Variants in SHLD1 observed in about 807,000 individuals in gnomAD.
SHLD1 encodes the protein shieldin complex subunit 1, also known as RINN1-REV7-interacting novel NHEJ regulator 3.
A neutral mutation model predicts 5.5 loss-of-function variants in SHLD1; 3 were observed. The observed-to-expected ratio is 0.54, with a 90% CI of 0.25 to 1.40. The LOEUF (loss-of-function observed/expected upper bound fraction) is 1.40, where lower values mean the gene tolerates loss of function less well. Among genes scored for constraint, SHLD1 ranks in the 40% most tolerant of loss-of-function variants. The probability of loss-of-function intolerance (pLI) is 0.15; values close to 1 mark genes in which losing one functional copy is unlikely to be tolerated. For synonymous variants in SHLD1, 92 were observed against 94.3 expected, an observed-to-expected ratio of 0.98 and a Z score of 0.14; for missense variants, 210 against 244.4, an observed-to-expected ratio of 0.86 and a Z score of 0.94.
At chr20:5,839,419 T>G (rs1415058859) in intron 2 of SHLD1, among the ~76,000 whole-genome samples, 1 of 152,176 alleles carries the variant, frequency 6.6e-6, no homozygotes, top group African/African-American at 2.4e-5. Flanking sequence ...GTTTTTATTC[T>G]TATATCTGGG....
At chr20:5,756,362 C>T (rs77080044) in intron 1 of SHLD1, among the ~76,000 whole-genome samples, 6,476 of 152,104 alleles carry the variant, frequency 0.043, 379 homozygotes, top group African/African-American at 0.13. Flanking sequence ...ATTTGGGGGA[C>T]ATTGCCATCT....
chr20:5,810,182 G>T (rs533936473), intron 2 of SHLD1, among the ~76,000 whole-genome samples: 31 of 151,778 alleles, frequency 2.0e-4, no homozygotes, highest in Non-Finnish European at 3.2e-4. Flanking sequence ...GCTTGAACCC[G>T]GGTGGTGGAG....
intron 2 of SHLD1, among the ~76,000 whole-genome samples, chr20:5,776,434 C>T (rs1333448584): frequency 6.6e-6 from 1 of 152,098 alleles, no homozygotes; most frequent in Non-Finnish European, 1.5e-5. Context: ...CTTATAAGGG[C>T]ACTAATGCCA....
chr20:5,819,983 G>A (rs146048084), intron 2 of SHLD1, among the ~76,000 whole-genome samples: 5 of 151,994 alleles, frequency 3.3e-5, no homozygotes, highest in Non-Finnish European at 5.9e-5. Flanking sequence ...TTGCTCTGTC[G>A]CCCAGACAGG....
rs1361404565 is a variant in SHLD1, at chr20:5,845,861, G to A, written c.179-17163G>A. Reference sequence around the variant, plus strand: ...TAAGGGGCTCCAACAGGTTCTCAGCGATGTCATTTTACAAATAAGAGCTCG... The same window carrying A: ...TAAGGGGCTCCAACAGGTTCTCAGCAATGTCATTTTACAAATAAGAGCTCG... On this transcript the variant is annotated intron_variant, in intron 2 of 2. Transcript: ENST00000303142. Among the ~76,000 whole-genome samples the A allele has an allele frequency of 3.9e-5, 6 of 152,304 alleles. 1 individual carries two copies. In the East Asian group the frequency reaches 9.6e-4, roughly 24 times the overall value.
chr20:5,830,266 G>C (rs567029362), intron 2 of SHLD1, among the ~76,000 whole-genome samples: 2 of 152,104 alleles, frequency 1.3e-5, no homozygotes, highest in African/African-American at 2.4e-5. Flanking sequence ...TTCACATCAC[G>C]GAATACTATT....
intron 2 of SHLD1, among the ~76,000 whole-genome samples, chr20:5,789,841 A>G (rs6038282): frequency 0.29 from 44,436 of 151,830 alleles, 6,473 homozygotes; most frequent in Middle Eastern, 0.35. Context: ...ACCCAGACCC[A>G]GTGCATCCTA....
chr20:5,825,960 G>T (rs1600158743), intron 2 of SHLD1, among the ~76,000 whole-genome samples: 2 of 152,180 alleles, frequency 1.3e-5, no homozygotes, highest in South Asian at 4.1e-4. Context: ...GACCACTCAG[G>T]GTTGGGATGT....
Position 5,863,382 on chromosome 20 carries a change from G to A in SHLD1, c.537G>A (p.Leu179=). 2.5e-6 allele frequency: 4 copies of A among 1,614,162 alleles called. No homozygotes were observed. The highest frequency in any genetic ancestry group is 3.4e-6 in the Non-Finnish European group (4 of 1,180,022). The change falls in exon 3 of 3, where the codon TTG becomes TTA. Residue 179 remains leucine, a synonymous_variant. Coordinates refer to ENST00000303142, the MANE Select transcript of SHLD1 (RefSeq NM_152504.4). ...CACTGGAGGAAGGAAGTACATCTTT[G>A]GATGATGAAAAGCCAAACCCAGGAC... The part of the protein sequence containing the change: ...FYPLEEGSTS[L]DDEKPNPGLS...
At chr20:5,833,326 G>C (rs1270465052) in intron 2 of SHLD1, among the ~76,000 whole-genome samples, 1 of 152,040 alleles carries the variant, frequency 6.6e-6, no homozygotes, top group African/African-American at 2.4e-5. Context: ...TCACAACTCG[G>C]GTTTGGTGTA....
At chr20:5,842,565 C>T (rs1225001891) in intron 2 of SHLD1, among the ~76,000 whole-genome samples, 1 of 152,196 alleles carries the variant, frequency 6.6e-6, no homozygotes, top group Non-Finnish European at 1.5e-5. Flanking sequence ...CACCCATTAA[C>T]TCGTTGTCTC....
At position 5,770,508 on chromosome 20, in the gene SHLD1, T is replaced by C. The variant is rs192067747; in HGVS notation, c.-4-2354T>C. 1.2e-4 allele frequency among the ~76,000 whole-genome samples: 18 copies of C among 152,302 alleles called. No individual in the cohort carries two copies. The East Asian group carries it at 3.3e-3, about 28-fold the overall frequency. On this transcript the variant is annotated intron_variant, in intron 1 of 2. Coordinates refer to ENST00000303142, the MANE Select transcript of SHLD1 (RefSeq NM_152504.4). ...GTATGTCCTTCTATTTCATCAAGCA[T>C]ATCAGCAAATCCTTCTCCATCAACT...
At chr20:5,828,651 G>C (rs1176598626) in intron 2 of SHLD1, among the ~76,000 whole-genome samples, 1 of 152,106 alleles carries the variant, frequency 6.6e-6, no homozygotes, top group Non-Finnish European at 1.5e-5. Context: ...CAATTCTTTT[G>C]CTTCGCATTT....
At chr20:5,775,257 A>T (rs1332817061) in intron 2 of SHLD1, among the ~76,000 whole-genome samples, 1 of 151,870 alleles carries the variant, frequency 6.6e-6, no homozygotes, top group African/African-American at 2.4e-5. Flanking sequence ...TGCCCAGGCA[A>T]GTCTCGAACT....
At chr20:5,828,830 A>G (rs575069486) in intron 2 of SHLD1, among the ~76,000 whole-genome samples, 17 of 152,320 alleles carry the variant, frequency 1.1e-4, no homozygotes, top group African/African-American at 4.1e-4. Context: ...GTCATTTTAT[A>G]TCATTTCACT....
chr20:5,816,991 C>T (rs573113207), intron 2 of SHLD1, among the ~76,000 whole-genome samples: 4 of 152,308 alleles, frequency 2.6e-5, no homozygotes, highest in African/African-American at 9.6e-5. Flanking sequence ...ATCACTTGAG[C>T]TCAGGTGATG....
chr20:5,792,671 CT>C (rs560022381), intron 2 of SHLD1, among the ~76,000 whole-genome samples: 4 of 124,844 alleles, frequency 3.2e-5, no homozygotes, highest in African/African-American at 1.3e-4. Flanking sequence ...CTGCCGTTTT[CT>C]TTTTTTTAAA....
chr20:5,837,663 G>A (rs1406590411), intron 2 of SHLD1, among the ~76,000 whole-genome samples: 5 of 152,184 alleles, frequency 3.3e-5, no homozygotes, highest in Non-Finnish European at 7.3e-5. Context: ...TTTTATGGCT[G>A]CACTGACTCC....
Position 5,806,440 on chromosome 20 carries a change from G to A in SHLD1, c.178+33397G>A, listed in dbSNP as rs772606665. 1.3e-5 allele frequency among the ~76,000 whole-genome samples: 2 copies of A among 152,156 alleles called. No individual in the cohort carries two copies. Among genetic ancestry groups the A allele is most frequent in the African/African-American group, 2.4e-5 (1 of 41,438 alleles). ...GTTTTGAAGCACTGATCATTTTCCT[G>A]TATTACTGTGGGGAAGTGGATTATC... On this transcript the variant is annotated intron_variant, in intron 2 of 2. Transcript: ENST00000303142. The surrounding 1 kb of genome is among the most constrained non-coding windows in gnomAD (Gnocchi z 7.6).
Sources: gnomAD v4.1 joint callset for allele counts (sites outside exome capture counted in the v4.1 genomes callset) on GRCh38, gnomAD v4.1.1 for gene constraint, Gnocchi (gnomAD v3.1) non-coding constraint, MANE v1.5 for transcripts, NCBI Gene and HGNC (gene_info 2026-07-23, HGNC 2026-07-21) for gene names.